The following ULK2 variants were observed in gnomAD, a reference collection of about 807,000 sequenced individuals.
ULK2 encodes the protein serine/threonine-protein kinase ULK2.
Under a neutral mutation model 127.5 loss-of-function variants are expected in ULK2, and 76 were observed. That is an observed-to-expected ratio of 0.60 (90% CI 0.50 to 0.72). ULK2 has a LOEUF of 0.72. Ranked by LOEUF, ULK2 falls within the 30% of genes least tolerant of loss-of-function variation. ULK2 has a pLI of 0.00. For synonymous variants in ULK2, 452 were observed against 461.9 expected, an observed-to-expected ratio of 0.98 and a Z score of 0.28; for missense variants, 1,144 against 1,295.9, an observed-to-expected ratio of 0.88 and a Z score of 1.80.
At chr17:19,864,023 T>C (rs984595224) in intron 3 of ULK2, among the ~76,000 whole-genome samples, 1 of 152,196 alleles carries the variant, frequency 6.6e-6, no homozygotes, top group African/African-American at 2.4e-5. Flanking sequence ...AAGCACTATG[T>C]AGGCCATGTG....
In ULK2 at chr17:19,804,787, T is replaced by C. The variant is rs765878203; in HGVS notation, c.1201A>G (p.Ile401Val). The change falls in exon 15 of 27, where the codon ATT becomes GTT. Residue 401 changes from isoleucine to valine, a missense_variant. Ile to Val is a conservative substitution (Grantham distance 29). Around this residue, in one of 2 missense-constraint regions of ULK2, gnomAD observed 913 missense variants for 970.5 expected, o/e 0.94. Transcript: ENST00000395544. Reference sequence around the variant, plus strand: ...TTCCTTATTTGAGTAGGAACTGGAATTGGTGCTGTTTCGCTGTGAGGTGAC... The same window carrying C: ...TTCCTTATTTGAGTAGGAACTGGAACTGGTGCTGTTTCGCTGTGAGGTGAC... ...TVSPHSETAP[I>V]PVPTQIRNYQ... 2.5e-6 allele frequency: 4 copies of C among 1,612,974 alleles called. No homozygotes were observed. Among genetic ancestry groups the C allele is most frequent in the Non-Finnish European group, 3.4e-6 (4 of 1,179,364 alleles).
At chr17:19,821,984 C>G (rs1312989798) in intron 12 of ULK2, among the ~76,000 whole-genome samples, 6 of 151,668 alleles carry the variant, frequency 4.0e-5, no homozygotes, top group African/African-American at 7.3e-5. Flanking sequence ...GCACACCCAG[C>G]TGACCTTATC....
intron 16 of ULK2, among the ~76,000 whole-genome samples, chr17:19,800,322 G>C (rs1199320241): frequency 2.0e-5 from 3 of 152,176 alleles, no homozygotes; most frequent in Non-Finnish European, 4.4e-5. Flanking sequence ...GAGAGAGAGA[G>C]TTAGGGAAGG....
At chr17:19,802,899 G>A (rs2087430880) in intron 15 of ULK2, among the ~76,000 whole-genome samples, 1 of 152,066 alleles carries the variant, frequency 6.6e-6, no homozygotes, top group Admixed American at 6.5e-5. Flanking sequence ...ACTGAGTTAT[G>A]CAGATATTCC....
In ULK2 at chr17:19,775,761, T is replaced by A. The variant is rs1227088373; in HGVS notation, c.*588A>T. ...GTTGTTTTAATAAATTAGTGCAATATGAAAGATTTTGGAAGATTAACATGT... is the reference window on the plus strand; with the variant it reads ...GTTGTTTTAATAAATTAGTGCAATAAGAAAGATTTTGGAAGATTAACATGT... On this transcript the variant is annotated 3_prime_UTR_variant, in exon 27 of 27. Transcript: ENST00000395544. 2.6e-5 allele frequency: 4 copies of A among 152,650 alleles called. No individual in the cohort carries two copies. The highest frequency in any genetic ancestry group is 5.9e-5 in the Non-Finnish European group (4 of 68,038). 9.5% of individuals were successfully genotyped at this position (152,650 alleles called of 1,614,324 possible).
chr17:19,814,999 C>T (rs952023236), intron 13 of ULK2, among the ~76,000 whole-genome samples: 1 of 152,056 alleles, frequency 6.6e-6, no homozygotes, highest in Non-Finnish European at 1.5e-5. Context: ...ATTCCAAATG[C>T]AAAAATCTAA....
intron 6 of ULK2, among the ~76,000 whole-genome samples, chr17:19,845,947 GA>G (rs1220969635): frequency 1.4e-5 from 2 of 146,700 alleles, no homozygotes; most frequent in South Asian, 2.2e-4. Flanking sequence ...TGTCTCTACT[GA>G]AAAAAAAAAT....
At chr17:19,848,536 TG>T (rs2041945352) in intron 5 of ULK2, among the ~76,000 whole-genome samples, 1 of 152,166 alleles carries the variant, frequency 6.6e-6, no homozygotes, top group African/African-American at 2.4e-5. Context: ...CCCAGCACTT[TG>T]GGAGGCTGAG....
chr17:19,805,375 CTCACTTT>C (rs1282707278), intron 14 of ULK2, among the ~76,000 whole-genome samples: 7 of 152,152 alleles, frequency 4.6e-5, no homozygotes, highest in Non-Finnish European at 8.8e-5. Context: ...AGCCTCTTTC[CTCACTTT>C]TCATAAATTC....
intron 1 of ULK2, 42 bp downstream of exon 1, chr17:19,867,286 G>C (rs2042373260): frequency 6.7e-7 from 1 of 1,489,600 alleles, no homozygotes. Flanking sequence ...CTAGCCCCGT[G>C]CCTGCCGCCC....
At chr17:19,789,965 A>T (rs774293757) in intron 20 of ULK2, among the ~76,000 whole-genome samples, 3 of 152,102 alleles carry the variant, frequency 2.0e-5, no homozygotes, top group Admixed American at 6.6e-5. Context: ...GAAAAGACTA[A>T]ACAATGACCC....
In ULK2 at chr17:19,855,099, C is replaced by CAA. The variant is rs59428848; in HGVS notation, c.226-5327_226-5326dup. Among the ~76,000 whole-genome samples the CAA allele has an allele frequency of 2.2e-3, 225 of 100,568 alleles. 6 individuals are homozygous for CAA. In the Admixed American group the frequency reaches 0.023, roughly 10 times the overall value. The allele number at this position is 100,568 out of a possible 152,430, so 66.0% of individuals were successfully genotyped here. ...TTGGCAAAAGAACAAGATTCCATCT[C>CAA]AAAAAAAAAAAAAAAAGAGGCTAGG... is the stretch of plus-strand genomic sequence containing the variant. On this transcript the variant is annotated intron_variant, in intron 3 of 26. Coordinates refer to ENST00000395544, the MANE Select transcript of ULK2 (RefSeq NM_014683.4).
intron 12 of ULK2, among the ~76,000 whole-genome samples, chr17:19,821,060 A>C (rs1438814970): frequency 6.6e-6 from 1 of 152,234 alleles, no homozygotes; most frequent in Non-Finnish European, 1.5e-5. Context: ...TAATCCTAGC[A>C]CTTTGGGAGG....
Position 19,773,428 on chromosome 17 carries a change from G to C in ULK2, c.*2921C>G, listed in dbSNP as rs947075658. The C allele has an allele frequency of 2.0e-5, 3 of 152,168 alleles. No homozygotes were observed. Among genetic ancestry groups the C allele is most frequent in the African/African-American group, 7.2e-5 (3 of 41,414 alleles). The allele number at this position is 152,168 out of a possible 1,614,324, so 9.4% of individuals were successfully genotyped here. A position where few individuals can be genotyped will look rare whatever the true frequency, so the allele number is the denominator to read the frequency against. On this transcript the variant is annotated 3_prime_UTR_variant, in exon 27 of 27. Coordinates refer to ENST00000395544, the MANE Select transcript of ULK2 (RefSeq NM_014683.4). Reference sequence around the variant, plus strand: ...TCAAGCTCCTGGACGGGACTCTAGTGAGGGCAGAACTGCTGGGCTGGTAAT... The same window carrying C: ...TCAAGCTCCTGGACGGGACTCTAGTCAGGGCAGAACTGCTGGGCTGGTAAT...
At chr17:19,783,349 G>T (rs9891047) in intron 22 of ULK2, among the ~76,000 whole-genome samples, 5 of 151,828 alleles carry the variant, frequency 3.3e-5, no homozygotes, top group African/African-American at 7.3e-5. Context: ...TACTCGTGGG[G>T]GCTGAGGCAG....
At chr17:19,816,110 A>T (rs572744817) in intron 13 of ULK2, among the ~76,000 whole-genome samples, 1 of 152,372 alleles carries the variant, frequency 6.6e-6, no homozygotes, top group Admixed American at 6.5e-5. Context: ...GACCTGATAC[A>T]AACTGCTGCA....
intron 10 of ULK2, among the ~76,000 whole-genome samples, chr17:19,827,426 T>C (rs1236058767): frequency 6.6e-6 from 1 of 152,206 alleles, no homozygotes; most frequent in Non-Finnish European, 1.5e-5. Flanking sequence ...TACTATACAT[T>C]AGCAAACCAA....
chr17:19,822,066 A>G (rs1404201299), intron 12 of ULK2, among the ~76,000 whole-genome samples: 4 of 151,694 alleles, frequency 2.6e-5, no homozygotes, highest in Non-Finnish European at 5.9e-5. Context: ...GCTCACTGCA[A>G]TCTCCACCTG....
At chr17:19,814,562 C>T (rs2152389784) in intron 13 of ULK2, among the ~76,000 whole-genome samples, 1 of 150,264 alleles carries the variant, frequency 6.7e-6, no homozygotes, top group African/African-American at 2.4e-5. Context: ...CAGGTATGCA[C>T]CACCATACCC....
Sources: allele counts gnomAD v4.1 joint callset (sites outside exome capture counted in the v4.1 genomes callset), GRCh38; gene constraint gnomAD v4.1.1; regional missense constraint gnomAD v4.1.1; transcripts MANE v1.5; gene names NCBI Gene and HGNC (gene_info 2026-07-23, HGNC 2026-07-21).